The following PLD5 variants were observed in gnomAD, a reference collection of about 807,000 sequenced individuals.
PLD5 encodes the protein phospholipase D family member 5, also known as inactive phospholipase D5.
In PLD5, 36 loss-of-function variants were observed where a neutral mutation model predicts 61.1. That is an observed-to-expected ratio of 0.59 (90% CI 0.45 to 0.78). PLD5 has a LOEUF of 0.78. PLD5 is among the 30% of genes least tolerant of loss of function. The pLI is 0.00. For synonymous variants in PLD5, 243 were observed against 242.8 expected (o/e 1.00, Z -0.01); for missense variants, 515 against 644.4 (o/e 0.80, Z 2.17).
intron 5 of PLD5, among the ~76,000 whole-genome samples, chr1:242,181,446 T>C (rs978880366): frequency 2.0e-5 from 3 of 152,172 alleles, no homozygotes; most frequent in Admixed American, 2.0e-4. Flanking sequence ...AATATTGATG[T>C]GTTGGGTTAA....
At chr1:242,371,246 G>A (rs1661616469) in intron 1 of PLD5, among the ~76,000 whole-genome samples, 1 of 152,200 alleles carries the variant, frequency 6.6e-6, no homozygotes, top group African/African-American at 2.4e-5. Flanking sequence ...TGCACTGAGA[G>A]AGGCTTAGAG....
chr1:242,172,545 G>A (rs902026307), intron 5 of PLD5, among the ~76,000 whole-genome samples: 7 of 151,740 alleles, frequency 4.6e-5, no homozygotes, highest in African/African-American at 1.7e-4. Flanking sequence ...AAGTGAAGGC[G>A]ATAGAGACAC....
At chr1:242,117,754 C>G (rs532868565) in intron 6 of PLD5, among the ~76,000 whole-genome samples, 2 of 151,514 alleles carry the variant, frequency 1.3e-5, no homozygotes, top group South Asian at 4.1e-4. Context: ...ATTTCTTTTG[C>G]TTTTTTCTTT....
intron 5 of PLD5, among the ~76,000 whole-genome samples, chr1:242,196,899 T>A (rs1213314405): frequency 6.6e-6 from 1 of 152,154 alleles, no homozygotes; most frequent in Non-Finnish European, 1.5e-5. Flanking sequence ...TTTCTTTGTT[T>A]ACAGAAATGG....
At position 242,114,012 on chromosome 1, in the gene PLD5, G is replaced by A. The variant is rs751246723; in HGVS notation, c.948C>T (p.Leu316=). The change falls in exon 7 of 10, where the codon CTC becomes CTT. Residue 316 remains leucine, a synonymous_variant. Coordinates refer to ENST00000536534, the MANE Select transcript of PLD5 (RefSeq NM_001372062.1). ...CAAAACTTCTGTTTTTAGGGCAAAA[G>A]AGTTTTGGAGAATTCTGTGAAGACA... ...SQAFVSNSPK[L]FCPKNRSFDI... is the part of the protein sequence containing the mutation. 1.9e-6 allele frequency: 3 copies of A among 1,613,020 alleles called. No homozygotes were observed. In the East Asian group the frequency reaches 6.7e-5, roughly 36 times the overall value.
intron 7 of PLD5, among the ~76,000 whole-genome samples, chr1:242,111,346 C>T (rs992814176): frequency 2.6e-5 from 4 of 152,200 alleles, no homozygotes; most frequent in Admixed American, 1.3e-4. Flanking sequence ...CGTGAGCCAC[C>T]GTGCCTGGCC....
chr1:242,481,397 A>T (rs985740679), intron 1 of PLD5, among the ~76,000 whole-genome samples: 23 of 152,218 alleles, frequency 1.5e-4, no homozygotes, highest in African/African-American at 5.3e-4. Flanking sequence ...AGCAAACGGC[A>T]CACCAGGAGA....
chr1:242,472,727 A>G (rs1323532387), intron 1 of PLD5, among the ~76,000 whole-genome samples: 5 of 152,228 alleles, frequency 3.3e-5, no homozygotes, highest in Admixed American at 6.5e-5. Flanking sequence ...CAAAAAATAA[A>G]GTTAAATAGA....
At chr1:242,165,487 A>C (rs1314334789) in intron 5 of PLD5, among the ~76,000 whole-genome samples, 3 of 151,362 alleles carry the variant, frequency 2.0e-5, no homozygotes, top group Admixed American at 2.0e-4. Context: ...AACCAGTGGG[A>C]TGTAAAATAT....
chr1:242,266,845 G>A (rs1340246245), intron 3 of PLD5, among the ~76,000 whole-genome samples: 4 of 152,290 alleles, frequency 2.6e-5, no homozygotes, highest in East Asian at 1.9e-4. Context: ...GGCCGGGTGC[G>A]TAGCCTCACA....
In PLD5 at chr1:242,220,119, G is replaced by A. The variant is rs1670473076; in HGVS notation, c.608-4C>T. On this transcript the variant is annotated splice_polypyrimidine_tract_variant and splice_region_variant and intron_variant, in intron 4 of 9. Transcript: ENST00000536534. ...TTCATGTACGTCACCTCGGCTCCTA[G>A]GAGTTCAAGGACAGTCTGGTCAGCC... 6.2e-7 allele frequency: 1 copy of A among 1,614,034 alleles called. No homozygotes were observed. Among genetic ancestry groups the A allele is most frequent in the Non-Finnish European group, 8.5e-7 (1 of 1,179,936 alleles).
chr1:242,465,581 C>A (rs1023079507), intron 1 of PLD5, among the ~76,000 whole-genome samples: 2 of 152,206 alleles, frequency 1.3e-5, no homozygotes, highest in African/African-American at 4.8e-5. Flanking sequence ...TACTTTTATT[C>A]TCACACTTGT....
chr1:242,140,745 T>A (rs1409085971), intron 5 of PLD5, among the ~76,000 whole-genome samples: 2 of 151,882 alleles, frequency 1.3e-5, no homozygotes, highest in East Asian at 3.9e-4. Context: ...TCGTTAAATT[T>A]TTTTTTTTTC....
intron 1 of PLD5, among the ~76,000 whole-genome samples, chr1:242,355,344 T>C (rs1477959011): frequency 6.6e-6 from 1 of 152,158 alleles, no homozygotes; most frequent in East Asian, 1.9e-4. Context: ...TCATTCAGTC[T>C]TGATAGGTTG....
At chr1:242,147,121 A>G (rs868129211) in intron 5 of PLD5, among the ~76,000 whole-genome samples, 9 of 152,288 alleles carry the variant, frequency 5.9e-5, no homozygotes, top group Middle Eastern at 6.8e-3. Context: ...AAGATACACA[A>G]CAGTGCCATC....
intron 4 of PLD5, among the ~76,000 whole-genome samples, chr1:242,222,269 T>C (rs1433954650): frequency 6.6e-6 from 1 of 152,122 alleles, no homozygotes; most frequent in Non-Finnish European, 1.5e-5. Flanking sequence ...TTCTGGGGAT[T>C]ACATCTTCTA....
chr1:242,113,972 A>G lies in PLD5; in HGVS notation c.988T>C (p.Tyr330His), dbSNP rs1048256999. The change falls in exon 7 of 10, where the codon TAC (tyrosine) becomes CAC (histidine). Residue 330 changes from tyrosine to histidine, a missense_variant. This residue lies in a region of PLD5 where 450 missense variants were observed against 598.1 expected (regional missense o/e 0.75). Coordinates refer to ENST00000536534, the MANE Select transcript of PLD5 (RefSeq NM_001372062.1). ...TGCTTGGCATCATCTATCACACTGT[A>G]GATGGCATCTATGTCAAAACTTCTG... ...KNRSFDIDAI[Y>H]SVIDDAKQYV... The G allele has an allele frequency of 6.2e-7, 1 of 1,614,140 alleles. No individual in the cohort carries two copies.
chr1:242,350,419 A>G (rs2995360), intron 1 of PLD5, among the ~76,000 whole-genome samples: 1 of 131,592 alleles, frequency 7.6e-6, no homozygotes, highest in East Asian at 2.2e-4. Flanking sequence ...AGTGATAAAT[A>G]TATGTATACA....
intron 3 of PLD5, among the ~76,000 whole-genome samples, chr1:242,284,021 T>G (rs576457979): frequency 1.8e-4 from 27 of 151,420 alleles, no homozygotes; most frequent in Non-Finnish European, 1.5e-4. Flanking sequence ...ACCTGTTTCC[T>G]TTCTCCATTC....
Sources: allele counts gnomAD v4.1 joint callset (sites outside exome capture counted in the v4.1 genomes callset), GRCh38; gene constraint gnomAD v4.1.1; regional missense constraint gnomAD v4.1.1; transcripts MANE v1.5; gene names NCBI Gene and HGNC (gene_info 2026-07-23, HGNC 2026-07-21).